Variants in PRELID2 observed in about 807,000 individuals in gnomAD.
PRELID2 encodes the protein PRELI domain containing 2.
PRELID2 carries 25 observed loss-of-function variants against 28.4 expected under a neutral mutation model. The ratio of observed to expected loss-of-function variants is 0.88; its 90% CI spans 0.64 to 1.23. PRELID2 has a LOEUF of 1.23. PRELID2 is among the 50% of genes most tolerant of loss of function. The pLI, the probability that PRELID2 is intolerant of heterozygous loss-of-function variation, is 0.00. For missense variants in PRELID2, 201 were observed against 214.4 expected, an observed-to-expected ratio of 0.94 and a Z score of 0.39; for synonymous variants, 76 against 71.6, an observed-to-expected ratio of 1.06 and a Z score of -0.31.
the PRELID2 span, chr5:145,230,098 C>T: frequency 1.6e-6 from 1 of 621,222 alleles, no homozygotes; most frequent in Non-Finnish European, 3.0e-6. Context: ...ATTTGCAGAT[C>T]CCCCAAGTAC....
At chr5:145,646,511 T>C (rs62392284) in intron 1 of PRELID2, among the ~76,000 whole-genome samples, 6,238 of 151,904 alleles carry the variant, frequency 0.041, 269 homozygotes, top group African/African-American at 0.11. Flanking sequence ...TTTCTTATTA[T>C]CCACCTTCTG....
the PRELID2 span, among the ~76,000 whole-genome samples, chr5:145,398,793 G>A: frequency 1.3e-5 from 2 of 152,012 alleles, no homozygotes; most frequent in Non-Finnish European, 1.5e-5. Context: ...CAAAACATGT[G>A]AATGTGATAG....
chr5:145,801,148 G>A (rs377143798), intron 4 of PRELID2, among the ~76,000 whole-genome samples: 7 of 152,012 alleles, frequency 4.6e-5, no homozygotes, highest in African/African-American at 1.2e-4. Context: ...TATTCCTTTG[G>A]CCATCACCAA....
downstream of PRELID2, among the ~76,000 whole-genome samples, chr5:145,469,707 T>C (rs1752034405): frequency 1.3e-5 from 2 of 152,112 alleles, no homozygotes; most frequent in Admixed American, 6.6e-5. Context: ...AAGTAGTCAA[T>C]TTCTTGAGAT....
At chr5:145,297,860 C>T in the PRELID2 span, among the ~76,000 whole-genome samples, 511 of 151,900 alleles carry the variant, frequency 3.4e-3, 1 homozygote, top group African/African-American at 0.011. Flanking sequence ...GAGTGAACTC[C>T]CATTCACAAT....
chr5:145,551,884 G>A (rs887362888), intron 1 of PRELID2, among the ~76,000 whole-genome samples: 1 of 152,030 alleles, frequency 6.6e-6, no homozygotes, highest in Non-Finnish European at 1.5e-5. Flanking sequence ...GCAGGAGCAG[G>A]GACACAGCCA....
At chr5:145,634,584 C>T (rs921289405) in intron 1 of PRELID2, among the ~76,000 whole-genome samples, 9 of 152,156 alleles carry the variant, frequency 5.9e-5, no homozygotes, top group Non-Finnish European at 1.0e-4. Flanking sequence ...GTCATTTCCC[C>T]TAAAAGCCCT....
intron 1 of PRELID2, among the ~76,000 whole-genome samples, chr5:145,484,749 C>G (rs781428032): frequency 2.0e-5 from 3 of 152,206 alleles, no homozygotes; most frequent in Non-Finnish European, 4.4e-5. Context: ...TAAGAAAAAA[C>G]TACCTCTTTT....
intron 1 of PRELID2, among the ~76,000 whole-genome samples, chr5:145,587,683 T>C (rs2149628821): frequency 6.6e-6 from 1 of 152,284 alleles, no homozygotes; most frequent in African/African-American, 2.4e-5. Flanking sequence ...CATTACATTA[T>C]AATAAGGTAC....
intron 1 of PRELID2, among the ~76,000 whole-genome samples, chr5:145,834,163 G>C (rs903012381): frequency 2.6e-5 from 4 of 152,152 alleles, no homozygotes; most frequent in Non-Finnish European, 4.4e-5. Context: ...TAACATTTTA[G>C]AGCCCTAACT....
At chr5:145,571,797 C>T (rs542811313) in intron 1 of PRELID2, among the ~76,000 whole-genome samples, 51 of 152,014 alleles carry the variant, frequency 3.4e-4, no homozygotes, top group Non-Finnish European at 5.9e-5. Context: ...CTGGCTAACA[C>T]GGTGAAACCC....
chr5:145,641,387 A>G (rs1440445169), intron 1 of PRELID2, among the ~76,000 whole-genome samples: 1 of 152,262 alleles, frequency 6.6e-6, no homozygotes, highest in East Asian at 1.9e-4. Flanking sequence ...AAGAGATGGT[A>G]AACTTTGTTA....
intron 1 of PRELID2, among the ~76,000 whole-genome samples, chr5:145,696,987 G>A (rs1755282659): frequency 7.1e-6 from 1 of 141,710 alleles, no homozygotes; most frequent in Non-Finnish European, 1.5e-5. Context: ...ATAGAGGCAG[G>A]GGGTACTGAT....
intron 1 of PRELID2, among the ~76,000 whole-genome samples, chr5:145,529,771 G>T (rs1752639832): frequency 6.6e-6 from 1 of 152,098 alleles, no homozygotes; most frequent in Admixed American, 6.6e-5. Context: ...TTTAGATTGG[G>T]TGTTCACTAA....
intron 1 of PRELID2, among the ~76,000 whole-genome samples, chr5:145,709,934 C>T (rs1755648688): frequency 6.6e-6 from 1 of 152,110 alleles, no homozygotes; most frequent in Admixed American, 6.5e-5. Flanking sequence ...GGGATTATTC[C>T]AACCCATTTA....
chr5:145,623,455 AAT>A (rs1310817327), intron 1 of PRELID2, among the ~76,000 whole-genome samples: 1 of 127,762 alleles, frequency 7.8e-6, no homozygotes. Context: ...CTCAAAAAAA[AAT>A]AAATAAATAA....
chr5:145,633,688 G>A (rs1753963171), intron 1 of PRELID2, among the ~76,000 whole-genome samples: 1 of 152,114 alleles, frequency 6.6e-6, no homozygotes, highest in African/African-American at 2.4e-5. Flanking sequence ...TTTCACAAGT[G>A]CACTCAATTG....
intron 1 of PRELID2, among the ~76,000 whole-genome samples, chr5:145,572,553 GAGA>G (rs908398741): frequency 7.9e-5 from 12 of 152,108 alleles, no homozygotes; most frequent in African/African-American, 2.4e-4. Context: ...TTTTAGTTAT[GAGA>G]AGATGACATT....
At chr5:145,405,781 CT>C in the PRELID2 span, among the ~76,000 whole-genome samples, 1 of 147,004 alleles carries the variant, frequency 6.8e-6, no homozygotes, top group African/African-American at 2.5e-5. Flanking sequence ...TCTCAGCTCA[CT>C]GCAAGCTCCG....
Sources: gnomAD v4.1 joint callset for allele counts (sites outside exome capture counted in the v4.1 genomes callset) on GRCh38, gnomAD v4.1.1 for gene constraint, MANE v1.5 for transcripts, NCBI Gene and HGNC (gene_info 2026-07-23, HGNC 2026-07-21) for gene names.